The following PCDHGA7 variants were observed in gnomAD, a reference collection of about 807,000 sequenced individuals.
PCDHGA7 encodes protocadherin gamma subfamily A, 7.
PCDHGA7 carries 44 observed loss-of-function variants against 58.3 expected under a neutral mutation model. That is an observed-to-expected ratio of 0.75 (90% confidence interval 0.59 to 0.97). The LOEUF (loss-of-function observed/expected upper bound fraction) is 0.97, where lower values mean the gene tolerates loss of function less well. Among genes scored for constraint, PCDHGA7 ranks in the 50% least tolerant of loss-of-function variants. PCDHGA7 has a pLI of 0.00. For synonymous variants in PCDHGA7, 516 were observed against 504.2 expected (o/e 1.02, Z -0.31); for missense variants, 1,266 against 1,188.7 (o/e 1.06, Z -0.96).
intron 1 of PCDHGA7, chr5:141,417,624 G>A (rs2096138947): frequency 1.5e-6 from 1 of 672,584 alleles, no homozygotes; most frequent in Non-Finnish European, 2.4e-6. Flanking sequence ...CAGAGCAAGC[G>A]CTGACGCCGG....
intron 1 of PCDHGA7, chr5:141,442,380 T>G (rs1235241143): frequency 2.6e-5 from 4 of 152,244 alleles, no homozygotes; most frequent in Non-Finnish European, 4.4e-5. Flanking sequence ...TCCTACCAGG[T>G]GTGTGCTTCT....
chr5:141,395,074 C>G, intron 1 of PCDHGA7: 1 of 1,614,166 alleles, frequency 6.2e-7, no homozygotes, highest in East Asian at 2.2e-5. Flanking sequence ...CAGACCTATT[C>G]CCAGGAAGTC....
intron 1 of PCDHGA7, chr5:141,410,784 G>T (rs1352997810): frequency 1.2e-6 from 1 of 817,034 alleles, no homozygotes; most frequent in Non-Finnish European, 1.7e-6. Context: ...CTATGTATTT[G>T]GTTCATAAGT....
At position 141,489,297 on chromosome 5, in the gene PCDHGA7, G is replaced by A. The variant is rs184934961; in HGVS notation, c.2425-5510G>A. 5.1e-6 allele frequency: 8 copies of A among 1,583,774 alleles called. No homozygotes were observed. Among genetic ancestry groups the A allele is most frequent in the Non-Finnish European group, 6.9e-6 (8 of 1,164,904 alleles). ...GGAAATGGCAAGTGCTGTGCATGTT[G>A]TCCTTGTGCTGCTGGGGCTGGGTGT... is the stretch of plus-strand genomic sequence containing the variant. On this transcript the variant is annotated intron_variant, in intron 1 of 3. Coordinates refer to ENST00000518325, the MANE Select transcript of PCDHGA7 (RefSeq NM_018920.4). This position sits in a 1 kb window ranked among gnomAD's most constrained non-coding sequence, Gnocchi z 4.5.
rs750687055 is a variant in PCDHGA7 at position 141,383,137 on chromosome 5, C to G, written c.238C>G (p.Arg80Gly). The G allele has an allele frequency of 2.5e-5, 40 of 1,613,994 alleles. No individual in the cohort carries two copies. In the Admixed American group the frequency reaches 3.2e-4, roughly 13 times the overall value. Residue 80 changes from arginine (R) to glycine (G), a missense_variant, in exon 1 of 4, where the codon CGC becomes GGC. Physicochemically the swap from Arg to Gly is moderately radical, Grantham distance 125. Transcript: ENST00000518325. Reference sequence around the variant, plus strand: ...GACGCAGCTTTTCGCCCTGAACCAGCGCAGCGGCAGCTTGGTCACTGCGGG... The same window carrying G: ...GACGCAGCTTTTCGCCCTGAACCAGGGCAGCGGCAGCTTGGTCACTGCGGG... ...GRTQLFALNQ[R>G]SGSLVTAGRI...
At chr5:141,466,281 C>T (rs555506496) in intron 1 of PCDHGA7, among the ~76,000 whole-genome samples, 76 of 152,252 alleles carry the variant, frequency 5.0e-4, no homozygotes, top group African/African-American at 1.7e-3. Context: ...AGCAATCTTC[C>T]CACCTCAGGC....
intron 1 of PCDHGA7, chr5:141,399,003 A>T: frequency 6.2e-7 from 1 of 1,613,966 alleles, no homozygotes; most frequent in Non-Finnish European, 8.5e-7. Context: ...GTCTGAATTC[A>T]AAGAGCGGAG....
At chr5:141,388,668 C>T in intron 1 of PCDHGA7, 1 of 1,613,882 alleles carries the variant, frequency 6.2e-7, no homozygotes, top group Non-Finnish European at 8.5e-7. Context: ...GACCACGGTG[C>T]TACAGGTGAC....
At chr5:141,403,721 C>G (rs748888364) in intron 1 of PCDHGA7, 2 of 1,613,872 alleles carry the variant, frequency 1.2e-6, no homozygotes, top group East Asian at 2.2e-5. Flanking sequence ...GAACGTGCCC[C>G]CAGGCACCTG....
At chr5:141,419,053 T>C in intron 1 of PCDHGA7, 1 of 1,613,954 alleles carries the variant, frequency 6.2e-7, no homozygotes, top group South Asian at 1.1e-5. Context: ...ATTCTTCTTC[T>C]AATAATTACT....
Position 141,432,492 on chromosome 5 carries a change from C to G in PCDHGA7, c.2424+47169C>G. The G allele has an allele frequency of 6.2e-7, 1 of 1,614,168 alleles. No individual in the cohort carries two copies. The highest frequency in any genetic ancestry group is 8.5e-7 in the Non-Finnish European group (1 of 1,180,040). On this transcript the variant is annotated intron_variant, in intron 1 of 3. Transcript: ENST00000518325. This position sits in a 1 kb window ranked among gnomAD's most constrained non-coding sequence, Gnocchi z 6.0. Reference sequence around the variant, plus strand: ...GACGGTTCCACTGGCGTGGAGCTGGCTCCCCGCTCCGCAGAGCCCGGCTAC... The same window carrying G: ...GACGGTTCCACTGGCGTGGAGCTGGGTCCCCGCTCCGCAGAGCCCGGCTAC...
intron 1 of PCDHGA7, chr5:141,428,912 T>C (rs1010303812): frequency 6.6e-6 from 1 of 151,946 alleles, no homozygotes; most frequent in Non-Finnish European, 1.5e-5. Context: ...TGGAGTGCAG[T>C]GGCATGATCT....
At chr5:141,472,010 C>T (rs1305786275) in intron 1 of PCDHGA7, among the ~76,000 whole-genome samples, 1 of 151,978 alleles carries the variant, frequency 6.6e-6, no homozygotes, top group Non-Finnish European at 1.5e-5. Flanking sequence ...CGTATAGGGG[C>T]ACTATATTGT....
Position 141,409,613 on chromosome 5 carries a change from A to T in PCDHGA7, c.2424+24290A>T, listed in dbSNP as rs370495173. 6.6e-5 allele frequency: 107 copies of T among 1,613,738 alleles called. 1 individual carries two copies. The South Asian group carries it at 1.1e-3, about 17-fold the overall frequency. ...CGAGAACAACCCGCCAGGAGCCTCC[A>T]TTGCGCAAGTGAGCGCCTCTGACCC... On this transcript the variant is annotated intron_variant, in intron 1 of 3. Transcript: ENST00000518325.
intron 1 of PCDHGA7, chr5:141,423,311 T>G: frequency 2.5e-6 from 4 of 1,614,134 alleles, no homozygotes; most frequent in Non-Finnish European, 3.4e-6. Flanking sequence ...CTGTACTTGG[T>G]GGTGGCGGTG....
At position 141,464,036 on chromosome 5, in the gene PCDHGA7, G is replaced by A. The variant is rs907276618; in HGVS notation, c.2425-30771G>A. On this transcript the variant is annotated intron_variant, in intron 1 of 3. Coordinates refer to ENST00000518325, the MANE Select transcript of PCDHGA7 (RefSeq NM_018920.4). ...ATCCCACACTTTGGGAGGCCAAGGC[G>A]GGTGGATCACCTGAGGTCAGGAGTT... Among the ~76,000 whole-genome samples the A allele has an allele frequency of 2.6e-5, 4 of 152,096 alleles. No individual in the cohort carries two copies. The East Asian group carries it at 5.8e-4, about 22-fold the overall frequency.
chr5:141,456,888 G>A (rs376401806), intron 1 of PCDHGA7, among the ~76,000 whole-genome samples: 5 of 152,118 alleles, frequency 3.3e-5, no homozygotes, highest in Admixed American at 1.3e-4. Context: ...GCTTGAACCC[G>A]GGAGGCAGAG....
Position 141,489,585 on chromosome 5 carries a change from G to C in PCDHGA7, c.2425-5222G>C. The C allele has an allele frequency of 6.2e-7, 1 of 1,614,090 alleles. No individual in the cohort carries two copies. On this transcript the variant is annotated intron_variant, in intron 1 of 3. Transcript: ENST00000518325. This position sits in a 1 kb window ranked among gnomAD's most constrained non-coding sequence, Gnocchi z 4.5. ...AGGTGGTGACTGAACACCCCCTGGA[G>C]CTAATCCGTGTAGAGGTAGAGATCC...
chr5:141,422,432 A>G, intron 1 of PCDHGA7: 1 of 1,609,448 alleles, frequency 6.2e-7, no homozygotes, highest in Non-Finnish European at 8.5e-7. Context: ...TATGGAAATT[A>G]TTACAAATTG....
Sources: allele counts gnomAD v4.1 joint callset (sites outside exome capture counted in the v4.1 genomes callset), GRCh38; gene constraint gnomAD v4.1.1; non-coding constraint Gnocchi (gnomAD v3.1); transcripts MANE v1.5; gene names NCBI Gene and HGNC (gene_info 2026-07-23, HGNC 2026-07-21).